Variants in AAK1 observed in about 807,000 individuals in gnomAD.
AAK1 encodes the protein AP2-associated protein kinase 1.
A neutral mutation model predicts 116.0 loss-of-function variants in AAK1; 37 were observed. That is an observed-to-expected ratio of 0.32 (90% CI 0.25 to 0.42). AAK1 has a LOEUF of 0.42. Ranked by LOEUF, AAK1 falls within the 10% of genes least tolerant of loss-of-function variation. The pLI is 1.00. For missense variants in AAK1, 919 were observed against 1,170.6 expected, an observed-to-expected ratio of 0.79 and a Z score of 3.14; for synonymous variants, 458 against 439.9, an observed-to-expected ratio of 1.04 and a Z score of -0.51.
chr2:69,626,727 T>C (rs1674919390), intron 2 of AAK1, among the ~76,000 whole-genome samples: 1 of 150,096 alleles, frequency 6.7e-6, no homozygotes, highest in African/African-American at 2.5e-5. Context: ...CTTGAACTCC[T>C]GGGCTCAAGC....
At chr2:69,564,444 C>T (rs1250573934) in intron 2 of AAK1, among the ~76,000 whole-genome samples, 1 of 151,654 alleles carries the variant, frequency 6.6e-6, no homozygotes, top group East Asian at 1.9e-4. Context: ...AATTCTGCTA[C>T]AAAGGAGAGA....
At chr2:69,477,743 A>T (rs1334626859) in intron 20 of AAK1, among the ~76,000 whole-genome samples, 1 of 152,242 alleles carries the variant, frequency 6.6e-6, no homozygotes, top group Non-Finnish European at 1.5e-5. Flanking sequence ...ATCTATAAAA[A>T]CATAATCATT....
At chr2:69,523,140 G>A (rs189217422) in intron 10 of AAK1, among the ~76,000 whole-genome samples, 3 of 152,218 alleles carry the variant, frequency 2.0e-5, no homozygotes, top group Non-Finnish European at 4.4e-5. Context: ...CAAAATATTA[G>A]TTTGTATGGA....
At chr2:69,622,639 G>T (rs1674702268) in intron 2 of AAK1, among the ~76,000 whole-genome samples, 1 of 151,686 alleles carries the variant, frequency 6.6e-6, no homozygotes, top group Non-Finnish European at 1.5e-5. Flanking sequence ...GTTTGTGAAT[G>T]CATCAATGGC....
At chr2:69,599,027 T>C (rs935205007) in intron 2 of AAK1, 1 of 296,814 alleles carries the variant, frequency 3.4e-6, no homozygotes, top group Non-Finnish European at 6.6e-6. Flanking sequence ...AGAAAATTCA[T>C]GGGGAGGTCC....
Position 69,604,757 on chromosome 2 carries a change from G to A in AAK1, c.163+38121C>T, listed in dbSNP as rs546226135. On this transcript the variant is annotated intron_variant, in intron 2 of 21. Coordinates refer to ENST00000409085, the MANE Select transcript of AAK1 (RefSeq NM_014911.5). ...TAGGGTCCAATACGTCTCTAGCTCT[G>A]GCACTGCTTCTCCCGGGTGCCACAC... 8.5e-5 allele frequency among the ~76,000 whole-genome samples: 13 copies of A among 152,208 alleles called. No homozygotes were observed. The South Asian group carries it at 2.3e-3, about 27-fold the overall frequency.
At position 69,471,521 on chromosome 2, in the gene AAK1, A is replaced by T. The variant is rs749842839; in HGVS notation, c.*4348T>A. 1 of 985,434 alleles carries T rather than the reference A, an allele frequency of 1.0e-6. No individual in the cohort carries two copies. Among genetic ancestry groups the T allele is most frequent in the Non-Finnish European group, 1.2e-6 (1 of 829,942 alleles). 61.0% of individuals were successfully genotyped at this position (985,434 alleles called of 1,614,324 possible). On this transcript the variant is annotated 3_prime_UTR_variant, in exon 22 of 22. Transcript: ENST00000409085. ...CTTCCATTCTAAATATTCATGTGAT[A>T]GTTTTTCTGTTCTGCCAGGCAGCCT...
chr2:69,495,531 AT>A (rs1297432047), intron 17 of AAK1, among the ~76,000 whole-genome samples: 1 of 152,164 alleles, frequency 6.6e-6, no homozygotes, highest in Non-Finnish European at 1.5e-5. Context: ...ATGTGTTTTT[AT>A]ATTATAAAAT....
At chr2:69,481,064 T>G (rs1675071544) in intron 18 of AAK1, 103 bp from the exon 19 acceptor site, 1 of 985,810 alleles carries the variant, frequency 1.0e-6, no homozygotes, top group Non-Finnish European at 1.5e-6. Flanking sequence ...TTAATTCTCA[T>G]TTTTTGAGAT....
At chr2:69,578,867 G>A (rs1044208612) in intron 2 of AAK1, among the ~76,000 whole-genome samples, 12 of 150,440 alleles carry the variant, frequency 8.0e-5, no homozygotes, top group Admixed American at 2.0e-4. Context: ...GCAGTGGCGC[G>A]GTCTCGGCTC....
At chr2:69,607,604 G>A (rs1297449468) in intron 2 of AAK1, among the ~76,000 whole-genome samples, 1 of 152,072 alleles carries the variant, frequency 6.6e-6, no homozygotes, top group East Asian at 1.9e-4. Flanking sequence ...CCATCGAGAG[G>A]TGGGACAGTA....
Position 69,477,005 on chromosome 2 carries a change from C to T in AAK1, c.2681-15G>A. On this transcript the variant is annotated splice_polypyrimidine_tract_variant and intron_variant, in intron 20 of 21. Coordinates refer to ENST00000409085, the MANE Select transcript of AAK1 (RefSeq NM_014911.5). ...ATCTTCTGCAGCTTAATACAGAATG[C>T]AAGTACACAAGCAGAAACAACAGAG... 6.4e-7 allele frequency: 1 copy of T among 1,557,284 alleles called. No homozygotes were observed.
At position 69,556,967 on chromosome 2, in the gene AAK1, T is replaced by C. The variant is rs34535244; in HGVS notation, c.175A>G (p.Ile59Val). ...DEVLAEGGFAIVFLVRTSNGM... is the reference protein window; with the variant it reads ...DEVLAEGGFAVVFLVRTSNGM... ...TTGCTTGTCCTCACCAGAAATACAA[T>C]AGCAAATCCACCTGTGAGAGAAACA... The change falls in exon 3 of 22, where the codon ATT becomes GTT. Residue 59 changes from isoleucine to valine, a missense_variant. Physicochemically the swap from Ile to Val is conservative, Grantham distance 29 (BLOSUM62 3). Coordinates refer to ENST00000409085, the MANE Select transcript of AAK1 (RefSeq NM_014911.5). 3 of 1,612,386 alleles carry C rather than the reference T, an allele frequency of 1.9e-6. No homozygotes were observed. The highest frequency in any genetic ancestry group is 1.1e-5 in the South Asian group (1 of 91,034).
intron 5 of AAK1, among the ~76,000 whole-genome samples, chr2:69,532,926 A>G (rs552952432): frequency 2.3e-4 from 35 of 152,280 alleles, no homozygotes; most frequent in East Asian, 1.3e-3. Context: ...CCTGGTATCA[A>G]AGGACTCTAC....
intron 2 of AAK1, among the ~76,000 whole-genome samples, chr2:69,574,948 A>C (rs1024097245): frequency 6.6e-6 from 1 of 151,540 alleles, no homozygotes; most frequent in African/African-American, 2.4e-5. Context: ...TCATTGTGCC[A>C]CTGCACTCCA....
chr2:69,520,851 G>A lies in AAK1; in HGVS notation c.1193C>T (p.Pro398Leu), dbSNP rs764664125. 5.7e-6 allele frequency: 9 copies of A among 1,573,642 alleles called. No individual in the cohort carries two copies. Among genetic ancestry groups the A allele is most frequent in the African/African-American group, 4.1e-5 (3 of 73,310 alleles). Reference protein sequence around the residue: ...LTPRKRATVQPPPQAAGSSNQ... With the variant: ...LTPRKRATVQLPPQAAGSSNQ... ...ATACAAACCTGCAGCCTGAGGTGGG[G>A]GCTGAACAGTGGCCCTCTTCCGGGG... Residue 398 changes from proline (P) to leucine (L), a missense_variant, in exon 11 of 22, where the codon CCC becomes CTC. By Grantham distance (98) the Pro-to-Leu change is moderately conservative (BLOSUM62 -3). Coordinates refer to ENST00000409085, the MANE Select transcript of AAK1 (RefSeq NM_014911.5).
intron 2 of AAK1, among the ~76,000 whole-genome samples, chr2:69,637,719 G>A (rs947557058): frequency 2.6e-5 from 4 of 152,114 alleles, no homozygotes; most frequent in Admixed American, 6.5e-5. Context: ...TTTCCGAAGC[G>A]TCAACATTCA....
At position 69,502,061 on chromosome 2, in the gene AAK1, T is replaced by C. The variant is rs559578545; in HGVS notation, c.2269+3508A>G. On this transcript the variant is annotated intron_variant, in intron 16 of 21. Transcript: ENST00000409085. ...ACAGAAGATTTTATAAATCTAAGTG[T>C]TGTCTCTGAAAATATAATAAAACAT... 1.2e-4 allele frequency among the ~76,000 whole-genome samples: 18 copies of C among 152,206 alleles called. No individual in the cohort carries two copies. In the East Asian group the frequency reaches 3.5e-3, roughly 29 times the overall value.
chr2:69,554,669 T>A (rs925557124), intron 3 of AAK1, among the ~76,000 whole-genome samples: 2 of 152,132 alleles, frequency 1.3e-5, no homozygotes, highest in Admixed American at 6.5e-5. Flanking sequence ...AATCAAGAAC[T>A]AGCAATATTA....
Sources: allele counts gnomAD v4.1 joint callset (sites outside exome capture counted in the v4.1 genomes callset), GRCh38; gene constraint gnomAD v4.1.1; transcripts MANE v1.5; gene names NCBI Gene and HGNC (gene_info 2026-07-23, HGNC 2026-07-21).